AJAP1: variants seen among roughly 807,000 people sequenced by gnomAD.
AJAP1 encodes adherens junctions associated protein 1.
A neutral mutation model predicts 35.0 loss-of-function variants in AJAP1; 5 were observed. That is an observed-to-expected ratio of 0.14 (90% CI 0.07 to 0.30). The LOEUF (loss-of-function observed/expected upper bound fraction) is 0.30. Among genes scored for constraint, AJAP1 ranks in the 10% least tolerant of loss-of-function variants. The pLI is 1.00. For synonymous variants in AJAP1, 284 were observed against 249.3 expected, an observed-to-expected ratio of 1.14 and a Z score of -1.31; for missense variants, 586 against 571.0, an observed-to-expected ratio of 1.03 and a Z score of -0.27.
At chr1:4,687,081 C>T (rs1291908880) in intron 1 of AJAP1, among the ~76,000 whole-genome samples, 2 of 152,232 alleles carry the variant, frequency 1.3e-5, no homozygotes, top group African/African-American at 2.4e-5. Flanking sequence ...GGAGCCCCAT[C>T]CCTACTTCCA....
chr1:4,762,931 C>T (rs1252592389), intron 2 of AJAP1, among the ~76,000 whole-genome samples: 3 of 152,198 alleles, frequency 2.0e-5, no homozygotes, highest in African/African-American at 7.2e-5. Context: ...TCTACAGTGG[C>T]TCCAAGGTGT....
rs1203534101 is a variant in AJAP1 at position 4,693,327 on chromosome 1, T to C, written c.30-18573T>C. ...GTGCTGATGGAGAGGGACTCTCGGC[T>C]TCGGAGGGAAGAACCCCATGGGGGA... On this transcript the variant is annotated intron_variant, in intron 1 of 5. Transcript: ENST00000378191. This position sits in a 1 kb window ranked among gnomAD's most constrained non-coding sequence, Gnocchi z 4.4. 6.8e-6 allele frequency among the ~76,000 whole-genome samples: 1 copy of C among 146,348 alleles called. No individual in the cohort carries two copies.
At position 4,783,224 on chromosome 1, in the gene AJAP1, TTAC is replaced by T. The variant is rs1030921976; in HGVS notation, c.*740_*742del. ...CACACATATTACACACATGTGCGCA[TTAC>T]ACACACACAATACACATACATGCAT... On this transcript the variant is annotated 3_prime_UTR_variant, in exon 6 of 6. Coordinates refer to ENST00000378191, the MANE Select transcript of AJAP1 (RefSeq NM_018836.4). 5 of 41,118 alleles carry T rather than the reference TTAC, an allele frequency of 1.2e-4. No homozygotes were observed. The highest frequency in any genetic ancestry group is 4.5e-4 in the East Asian group (1 of 2,208). 2.5% of individuals were successfully genotyped at this position (41,118 alleles called of 1,614,324 possible).
intron 1 of AJAP1, among the ~76,000 whole-genome samples, chr1:4,703,870 C>G (rs1424317375): frequency 6.6e-6 from 1 of 152,198 alleles, no homozygotes; most frequent in African/African-American, 2.4e-5. Context: ...AACAAATCTC[C>G]AAGAAGGCTC....
intron 3 of AJAP1, 31 bp from the exon 4 acceptor site, chr1:4,772,249 G>A (rs754288458): frequency 2.6e-5 from 42 of 1,610,792 alleles, no homozygotes; most frequent in South Asian, 9.9e-5. Context: ...GCCTCTGCCC[G>A]TCCCCCTACC....
At chr1:4,659,577 C>T (rs1002765733) in intron 1 of AJAP1, among the ~76,000 whole-genome samples, 5 of 152,188 alleles carry the variant, frequency 3.3e-5, no homozygotes, top group African/African-American at 1.2e-4. Context: ...CCATGTCAGA[C>T]CTCTGGTGGC....
intron 3 of AJAP1, among the ~76,000 whole-genome samples, chr1:4,771,692 C>G (rs12030265): frequency 6.6e-6 from 1 of 152,058 alleles, no homozygotes; most frequent in Non-Finnish European, 1.5e-5. Context: ...CAGGCAGGCA[C>G]GCAGGACACT....
At chr1:4,666,342 G>A (rs964192209) in intron 1 of AJAP1, among the ~76,000 whole-genome samples, 1 of 152,190 alleles carries the variant, frequency 6.6e-6, no homozygotes, top group Non-Finnish European at 1.5e-5. Context: ...GTTGCGGGGG[G>A]AATGCTTGGA....
At chr1:4,702,223 C>T (rs1372639866) in intron 1 of AJAP1, among the ~76,000 whole-genome samples, 1 of 152,158 alleles carries the variant, frequency 6.6e-6, no homozygotes, top group Non-Finnish European at 1.5e-5. Flanking sequence ...CCTACAGCTG[C>T]AGGGTTGTTG....
intron 1 of AJAP1, among the ~76,000 whole-genome samples, chr1:4,676,105 C>T (rs532016659): frequency 1.3e-5 from 2 of 152,216 alleles, no homozygotes; most frequent in African/African-American, 2.4e-5. Context: ...CTGGATGCTC[C>T]GTGTGTTTGG....
chr1:4,677,999 G>A (rs181739162), intron 1 of AJAP1, among the ~76,000 whole-genome samples: 14 of 152,314 alleles, frequency 9.2e-5, no homozygotes, highest in Admixed American at 7.2e-4. Context: ...CCCTGGTGCC[G>A]TCAGATGGTG....
intron 1 of AJAP1, among the ~76,000 whole-genome samples, chr1:4,707,503 C>G (rs72638828): frequency 3.3e-5 from 5 of 152,048 alleles, no homozygotes; most frequent in African/African-American, 1.2e-4. Flanking sequence ...TAAACGGAAC[C>G]GGGCACCGTG....
chr1:4,718,055 T>C (rs1170130222), intron 2 of AJAP1, among the ~76,000 whole-genome samples: 2 of 152,178 alleles, frequency 1.3e-5, no homozygotes, highest in South Asian at 2.1e-4. Flanking sequence ...CTAAACTTTG[T>C]AGACAGCAAG....
intron 2 of AJAP1, among the ~76,000 whole-genome samples, chr1:4,742,957 G>A (rs889062728): frequency 6.6e-5 from 10 of 152,172 alleles, no homozygotes; most frequent in African/African-American, 2.2e-4. Context: ...AGATTTCAAC[G>A]TCAAGTTGCC....
chr1:4,691,732 G>A (rs1353250951), intron 1 of AJAP1, among the ~76,000 whole-genome samples: 1 of 152,174 alleles, frequency 6.6e-6, no homozygotes, highest in Non-Finnish European at 1.5e-5. Context: ...AGTAGGGCAG[G>A]CGCAAGTGGC....
rs1003264965 is a variant in AJAP1 at position 4,757,101 on chromosome 1, A to G, written c.830-12752A>G. Among the ~76,000 whole-genome samples, 3 of 152,202 alleles carry G rather than the reference A, an allele frequency of 2.0e-5. No homozygotes were observed. In the East Asian group the frequency reaches 5.8e-4, roughly 29 times the overall value. ...ATAAGGGAGCCCGAGCGAGGCTGGG[A>G]GGATTTCATGTGGCTCCTGGAGACA... is the stretch of plus-strand genomic sequence containing the variant. On this transcript the variant is annotated intron_variant, in intron 2 of 5. Transcript: ENST00000378191.
chr1:4,743,467 C>T (rs1203025450), intron 2 of AJAP1, among the ~76,000 whole-genome samples: 1 of 152,140 alleles, frequency 6.6e-6, no homozygotes, highest in Non-Finnish European at 1.5e-5. Flanking sequence ...ACAGGAAGTG[C>T]AGCTGCCACC....
intron 1 of AJAP1, among the ~76,000 whole-genome samples, chr1:4,702,478 C>T (rs1318359986): frequency 6.6e-6 from 1 of 152,252 alleles, no homozygotes; most frequent in African/African-American, 2.4e-5. Flanking sequence ...TTACTTAGCT[C>T]ACTGCTTTGC....
intron 2 of AJAP1, among the ~76,000 whole-genome samples, chr1:4,756,003 T>C (rs1339121346): frequency 1.3e-5 from 2 of 152,114 alleles, no homozygotes; most frequent in East Asian, 3.9e-4. Flanking sequence ...GGGTTTTGGC[T>C]AAACTCACTT....
Sources: allele counts gnomAD v4.1 joint callset (sites outside exome capture counted in the v4.1 genomes callset), GRCh38; gene constraint gnomAD v4.1.1; non-coding constraint Gnocchi (gnomAD v3.1); transcripts MANE v1.5; gene names NCBI Gene and HGNC (gene_info 2026-07-23, HGNC 2026-07-21).